The following LYPLAL1 variants were observed in gnomAD, a reference collection of about 807,000 sequenced individuals.
The protein encoded by LYPLAL1 is lysophospholipase like 1.
Under a neutral mutation model 19.7 loss-of-function variants are expected in LYPLAL1, and 23 were observed. The observed-to-expected ratio is 1.17, with a 90% CI of 0.84 to 1.65. The LOEUF (loss-of-function observed/expected upper bound fraction) is 1.65. Among genes scored for constraint, LYPLAL1 ranks in the 40% most tolerant of loss-of-function variants. The pLI, the probability that LYPLAL1 is intolerant of heterozygous loss-of-function variation, is 0.00. For synonymous variants in LYPLAL1, 119 were observed against 96.3 expected (o/e 1.24, Z -1.38); for missense variants, 355 against 279.4 (o/e 1.27, Z -1.93).
chr1:219,392,093 C>G, the LYPLAL1 span, among the ~76,000 whole-genome samples: 1 of 152,140 alleles, frequency 6.6e-6, no homozygotes, highest in South Asian at 2.1e-4. Context: ...AAAAGCATCT[C>G]AGACTCCCCT....
chr1:219,215,453 GTC>G (rs1260899129), downstream of LYPLAL1, among the ~76,000 whole-genome samples: 1 of 151,988 alleles, frequency 6.6e-6, no homozygotes, highest in Non-Finnish European at 1.5e-5. Context: ...TTTCTCACGT[GTC>G]TTGTGCTTGG....
At chr1:219,242,007 A>G in the LYPLAL1 span, among the ~76,000 whole-genome samples, 4 of 152,216 alleles carry the variant, frequency 2.6e-5, no homozygotes, top group African/African-American at 9.6e-5. Context: ...AACAGAAAAC[A>G]GTCTATTTTT....
chr1:219,175,507 CT>C (rs1655740052), intron 1 of LYPLAL1, among the ~76,000 whole-genome samples: 1 of 152,076 alleles, frequency 6.6e-6, no homozygotes, highest in Non-Finnish European at 1.5e-5. Flanking sequence ...CTTTTTTCCC[CT>C]GGACCTCTTT....
At chr1:219,345,957 A>C in the LYPLAL1 span, among the ~76,000 whole-genome samples, 2 of 152,078 alleles carry the variant, frequency 1.3e-5, no homozygotes, top group Non-Finnish European at 2.9e-5. Context: ...TATTTATATC[A>C]GTTCCTCTGG....
chr1:219,434,637 A>G, the LYPLAL1 span, among the ~76,000 whole-genome samples: 2 of 152,292 alleles, frequency 1.3e-5, no homozygotes, highest in Admixed American at 6.5e-5. Context: ...TCCTTCAGCA[A>G]TGCTGTGATT....
the LYPLAL1 span, among the ~76,000 whole-genome samples, chr1:219,414,356 G>A: frequency 1.3e-5 from 2 of 152,252 alleles, no homozygotes; most frequent in South Asian, 4.1e-4. Flanking sequence ...GAGTTTGAGA[G>A]TTACAATAGC....
Position 219,193,050 on chromosome 1 carries a change from T to C in LYPLAL1, c.192-32T>C, listed in dbSNP as rs761098044. The C allele has an allele frequency of 1.9e-5, 26 of 1,367,552 alleles. No individual in the cohort carries two copies. The African/African-American group carries it at 3.8e-4, about 20-fold the overall frequency. The allele number at this position is 1,367,552 out of a possible 1,614,324, so 84.7% of individuals were successfully genotyped here. A position where few individuals can be genotyped will look rare whatever the true frequency, so the allele number is the denominator to read the frequency against. Reference sequence around the variant, plus strand: ...CATTTTCATATTCCCTTTTCCTTTCTTTTTTTTTGGGGGGGGGCGGTTGTT... The same window carrying C: ...CATTTTCATATTCCCTTTTCCTTTCCTTTTTTTTGGGGGGGGGCGGTTGTT... On this transcript the variant is annotated intron_variant, in intron 2 of 4. Coordinates refer to ENST00000366928, the MANE Select transcript of LYPLAL1 (RefSeq NM_138794.5).
chr1:219,264,760 C>T, the LYPLAL1 span, among the ~76,000 whole-genome samples: 1 of 152,144 alleles, frequency 6.6e-6, no homozygotes, highest in Non-Finnish European at 1.5e-5. Flanking sequence ...CCTGTGTGAG[C>T]TCCAGGAGGG....
At chr1:219,350,664 C>T in the LYPLAL1 span, among the ~76,000 whole-genome samples, 9 of 152,136 alleles carry the variant, frequency 5.9e-5, no homozygotes, top group Admixed American at 5.2e-4. Context: ...AGGCTGCAAC[C>T]GATATGCAGA....
At chr1:219,270,047 A>T in the LYPLAL1 span, among the ~76,000 whole-genome samples, 1 of 152,252 alleles carries the variant, frequency 6.6e-6, no homozygotes, top group Non-Finnish European at 1.5e-5. Flanking sequence ...TTAGATATTG[A>T]TGATGGAAAA....
chr1:219,414,408 T>A, the LYPLAL1 span, among the ~76,000 whole-genome samples: 1 of 152,184 alleles, frequency 6.6e-6, no homozygotes, highest in Admixed American at 6.5e-5. Context: ...TCAGTAAATA[T>A]TTGTTAAATA....
intron 2 of LYPLAL1, 34 bp from the exon 3 acceptor site, chr1:219,193,044 CCTTT>C: frequency 6.7e-7 from 1 of 1,481,772 alleles, no homozygotes; most frequent in Non-Finnish European, 8.9e-7. Context: ...ATTCCCTTTT[CCTTT>C]CTTTTTTTTT....
At chr1:219,291,524 G>A in the LYPLAL1 span, among the ~76,000 whole-genome samples, 40 of 152,272 alleles carry the variant, frequency 2.6e-4, no homozygotes, top group African/African-American at 9.1e-4. Flanking sequence ...TGCTTACTAT[G>A]TTTCAGGGGT....
the LYPLAL1 span, among the ~76,000 whole-genome samples, chr1:219,319,109 T>C: frequency 1.3e-5 from 2 of 152,146 alleles, no homozygotes; most frequent in Admixed American, 1.3e-4. Context: ...TAAACAGGTG[T>C]TGGTAAACTA....
At chr1:219,399,692 C>T in the LYPLAL1 span, among the ~76,000 whole-genome samples, 1 of 152,058 alleles carries the variant, frequency 6.6e-6, no homozygotes, top group East Asian at 1.9e-4. Flanking sequence ...CCCAGGCACC[C>T]GAGGCTGCTC....
At chr1:219,176,570 C>T (rs990658297) in intron 1 of LYPLAL1, among the ~76,000 whole-genome samples, 4 of 152,160 alleles carry the variant, frequency 2.6e-5, no homozygotes, top group African/African-American at 7.2e-5. Flanking sequence ...CTTTTTCTGT[C>T]TTGATTTGCT....
chr1:219,414,935 T>C, the LYPLAL1 span, among the ~76,000 whole-genome samples: 8 of 152,208 alleles, frequency 5.3e-5, no homozygotes, highest in African/African-American at 1.9e-4. Context: ...AACACTCATC[T>C]CTAGGCTGAA....
At chr1:219,237,578 C>T in the LYPLAL1 span, among the ~76,000 whole-genome samples, 4 of 152,122 alleles carry the variant, frequency 2.6e-5, no homozygotes, top group African/African-American at 9.7e-5. Flanking sequence ...TCTTGTTGCT[C>T]GGTCTACTTT....
the LYPLAL1 span, among the ~76,000 whole-genome samples, chr1:219,404,756 A>G: frequency 6.6e-6 from 1 of 152,208 alleles, no homozygotes; most frequent in Non-Finnish European, 1.5e-5. Flanking sequence ...ATATTTCAAA[A>G]TAGCTGGAAG....
Sources: allele counts gnomAD v4.1 joint callset (sites outside exome capture counted in the v4.1 genomes callset), GRCh38; gene constraint gnomAD v4.1.1; transcripts MANE v1.5; gene names NCBI Gene and HGNC (gene_info 2026-07-23, HGNC 2026-07-21).